The following RYR2 variants were observed in gnomAD, a reference collection of about 807,000 sequenced individuals.
The protein encoded by RYR2 is cardiac muscle ryanodine receptor-calcium release channel.
Under a neutral mutation model 601.1 loss-of-function variants are expected in RYR2, and 227 were observed. The ratio of observed to expected loss-of-function variants is 0.38; its 90% CI spans 0.34 to 0.42. RYR2 has a LOEUF of 0.42. Among genes scored for constraint, RYR2 ranks in the 10% least tolerant of loss-of-function variants. The pLI, the probability that RYR2 is intolerant of heterozygous loss-of-function variation, is 1.00. For missense variants in RYR2, 4,646 were observed against 6,156.5 expected, an observed-to-expected ratio of 0.75 and a Z score of 8.21; for synonymous variants, 2,223 against 2,175.1, an observed-to-expected ratio of 1.02 and a Z score of -0.61.
At chr1:237,674,940 T>C (rs935562564) in intron 60 of RYR2, 94 bp downstream of exon 60, 1 of 655,970 alleles carries the variant, frequency 1.5e-6, no homozygotes, top group Non-Finnish European at 2.6e-6. Flanking sequence ...TGCTGAGCTA[T>C]TTGTGATGGT....
At chr1:237,488,480 A>C in intron 17 of RYR2, among the ~76,000 whole-genome samples, 1 of 152,032 alleles carries the variant, frequency 6.6e-6, no homozygotes, top group East Asian at 1.9e-4. Flanking sequence ...TACCTTCATG[A>C]CCTAATCACC....
intron 29 of RYR2, among the ~76,000 whole-genome samples, chr1:237,578,123 G>A (rs1179357872): frequency 6.6e-6 from 1 of 152,032 alleles, no homozygotes; most frequent in Non-Finnish European, 1.5e-5. Flanking sequence ...AATTCCTAAA[G>A]AAGAAACAGG....
chr1:237,750,510 T>C (rs1051215107), intron 80 of RYR2, among the ~76,000 whole-genome samples: 2 of 150,866 alleles, frequency 1.3e-5, no homozygotes, highest in Non-Finnish European at 3.0e-5. Flanking sequence ...TTTATATAAT[T>C]TATATAATAT....
intron 29 of RYR2, among the ~76,000 whole-genome samples, chr1:237,584,493 A>G (rs1292530293): frequency 6.6e-6 from 1 of 152,108 alleles, no homozygotes; most frequent in African/African-American, 2.4e-5. Flanking sequence ...TTTTGTTCAC[A>G]GCTATATTCC....
intron 33 of RYR2, among the ~76,000 whole-genome samples, chr1:237,595,113 C>CA (rs1310499117): frequency 4.9e-5 from 7 of 141,420 alleles, no homozygotes; most frequent in South Asian, 5.2e-4. Flanking sequence ...CAAAACAAAA[C>CA]AAAAAAAAGC....
chr1:237,562,749 A>T (rs1046149128), intron 27 of RYR2, among the ~76,000 whole-genome samples: 2 of 152,236 alleles, frequency 1.3e-5, no homozygotes, highest in African/African-American at 2.4e-5. Context: ...ATAATTGCCT[A>T]TCAAACACAT....
intron 73 of RYR2, among the ~76,000 whole-genome samples, chr1:237,722,520 G>A (rs1176863577): frequency 2.0e-5 from 3 of 150,320 alleles, no homozygotes; most frequent in African/African-American, 2.4e-5. Flanking sequence ...TGCAAGCTCC[G>A]CCTCCCGGGT....
At chr1:237,660,331 C>G (rs1266421778) in intron 55 of RYR2, among the ~76,000 whole-genome samples, 1 of 151,916 alleles carries the variant, frequency 6.6e-6, no homozygotes, top group Admixed American at 6.6e-5. Context: ...ATTCCTCTCC[C>G]ATATTTTTAA....
intron 72 of RYR2, among the ~76,000 whole-genome samples, chr1:237,717,709 T>C (rs895419106): frequency 6.6e-6 from 1 of 152,192 alleles, no homozygotes; most frequent in African/African-American, 2.4e-5. Flanking sequence ...GATTTTTCAA[T>C]GTTAAAAGCA....
chr1:237,822,424 A>C (rs1312813213), intron 101 of RYR2, among the ~76,000 whole-genome samples: 2 of 152,222 alleles, frequency 1.3e-5, no homozygotes, highest in Non-Finnish European at 2.9e-5. Flanking sequence ...ACATCCAGCC[A>C]AACTAAGCTT....
intron 51 of RYR2, 51 bp from the exon 52 acceptor site, chr1:237,654,223 A>G (rs1317830476): frequency 6.4e-7 from 1 of 1,571,894 alleles, no homozygotes; most frequent in East Asian, 2.3e-5. Flanking sequence ...TGAAAAAAAA[A>G]TATAAAAGGT....
chr1:237,560,455 T>C (rs1022457750), intron 27 of RYR2, among the ~76,000 whole-genome samples: 4 of 152,198 alleles, frequency 2.6e-5, no homozygotes, highest in Admixed American at 2.0e-4. Flanking sequence ...GGAACTGGGC[T>C]TTGGAGGAAC....
Position 237,673,340 on chromosome 1 carries a change from T to A in RYR2, c.8591-756T>A, listed in dbSNP as rs139836207. ...AATTTTTTTATAATTTTTGCAAAAT[T>A]TTAACCAAAATTTTTACATAATTTA... On this transcript the variant is annotated intron_variant, in intron 58 of 104. Transcript: ENST00000366574. Among the ~76,000 whole-genome samples, 745 of 152,288 alleles carry A rather than the reference T, an allele frequency of 4.9e-3. 6 individuals carry two copies. Among genetic ancestry groups the A allele is most frequent in the African/African-American group, 0.017 (712 of 41,586 alleles).
intron 84 of RYR2, among the ~76,000 whole-genome samples, chr1:237,770,243 T>G: frequency 6.6e-6 from 1 of 152,196 alleles, no homozygotes; most frequent in Non-Finnish European, 1.5e-5. Flanking sequence ...GAAATCTTTC[T>G]TTTTATTCAG....
chr1:237,258,182 AAAG>A (rs1688175132), intron 1 of RYR2, among the ~76,000 whole-genome samples: 1 of 151,806 alleles, frequency 6.6e-6, no homozygotes, highest in African/African-American at 2.4e-5. Context: ...AAAAAAAAAA[AAAG>A]AAAGAAAAAG....
At chr1:237,615,509 A>G (rs1678365681) in intron 37 of RYR2, among the ~76,000 whole-genome samples, 2 of 152,164 alleles carry the variant, frequency 1.3e-5, no homozygotes, top group Non-Finnish European at 2.9e-5. Flanking sequence ...TATGTTTTTA[A>G]GGAATCAGAC....
chr1:237,601,260 A>T (rs1005172986), intron 34 of RYR2, among the ~76,000 whole-genome samples: 2 of 152,188 alleles, frequency 1.3e-5, no homozygotes, highest in Admixed American at 6.5e-5. Flanking sequence ...TCATAAAAAA[A>T]ATGAGAACCT....
At chr1:237,344,097 A>G (rs1252376532) in intron 3 of RYR2, among the ~76,000 whole-genome samples, 2 of 152,092 alleles carry the variant, frequency 1.3e-5, no homozygotes, top group African/African-American at 4.8e-5. Context: ...TGCTGGGATT[A>G]CAGGCGTGAG....
chr1:237,816,988 A>C (rs879398775), intron 100 of RYR2, among the ~76,000 whole-genome samples: 17 of 152,278 alleles, frequency 1.1e-4, no homozygotes, highest in Non-Finnish European at 1.9e-4. Flanking sequence ...GGTTAGGCTT[A>C]GACCCTATCA....
Sources: gnomAD v4.1 joint callset for allele counts (sites outside exome capture counted in the v4.1 genomes callset) on GRCh38, gnomAD v4.1.1 for gene constraint, MANE v1.5 for transcripts, NCBI Gene and HGNC (gene_info 2026-07-23, HGNC 2026-07-21) for gene names.